The following CELF1 variants were observed in gnomAD, a reference collection of about 807,000 sequenced individuals.
CELF1 encodes 50 kDa nuclear polyadenylated RNA-binding protein.
A neutral mutation model predicts 61.8 loss-of-function variants in CELF1; 10 were observed. The ratio of observed to expected loss-of-function variants is 0.16; its 90% confidence interval spans 0.10 to 0.27. CELF1 has a LOEUF of 0.27. Among genes scored for constraint, CELF1 ranks in the 10% least tolerant of loss-of-function variants. The pLI, the probability that CELF1 is intolerant of heterozygous loss-of-function variation, is 1.00. For synonymous variants in CELF1, 236 were observed against 225.1 expected (o/e 1.05, Z -0.43); for missense variants, 380 against 639.1 (o/e 0.59, Z 4.37).
chr11:47,522,216 A>AT (rs1405216994), intron 1 of CELF1, among the ~76,000 whole-genome samples: 2 of 150,418 alleles, frequency 1.3e-5, no homozygotes, highest in East Asian at 2.0e-4. Flanking sequence ...CCCAGCTGAA[A>AT]TTTTTTTTAT....
intron 6 of CELF1, among the ~76,000 whole-genome samples, chr11:47,485,047 C>T (rs895029204): frequency 1.3e-5 from 2 of 152,158 alleles, no homozygotes. Context: ...AATATGGTAG[C>T]TTTGTAATCT....
chr11:47,531,918 T>G (rs1020239586), intron 1 of CELF1, among the ~76,000 whole-genome samples: 3 of 152,226 alleles, frequency 2.0e-5, no homozygotes, highest in African/African-American at 7.2e-5. Context: ...AGGCATGACA[T>G]AATTCCTTTA....
At position 47,499,550 on chromosome 11, in the gene CELF1, A is replaced by G. The variant is rs1221701401; in HGVS notation, c.-27T>C. ...ACCTCACTCTCCCCTTCAGAAGCCA[A>G]TGATATTAACTTGCTGCACTTGTCT... On this transcript the variant is annotated 5_prime_UTR_variant, in exon 3 of 15. Coordinates refer to ENST00000687097, the MANE Select transcript of CELF1 (RefSeq NM_001376376.1). 2 of 1,520,214 alleles carry G rather than the reference A, an allele frequency of 1.3e-6. No individual in the cohort carries two copies. The highest frequency in any genetic ancestry group is 1.8e-6 in the Non-Finnish European group (2 of 1,132,546). 94.2% of individuals were successfully genotyped at this position (1,520,214 alleles called of 1,614,324 possible).
At chr11:47,487,822 C>G (rs1313164982) in intron 4 of CELF1, among the ~76,000 whole-genome samples, 1 of 152,194 alleles carries the variant, frequency 6.6e-6, no homozygotes, top group Non-Finnish European at 1.5e-5. Context: ...CATGGTGCTG[C>G]CTCAGATCTG....
At chr11:47,474,889 T>C (rs1012766347) in intron 13 of CELF1, among the ~76,000 whole-genome samples, 1 of 152,186 alleles carries the variant, frequency 6.6e-6, no homozygotes, top group African/African-American at 2.4e-5. Flanking sequence ...CTCTGTCCCA[T>C]CACCCCTCAG....
intron 1 of CELF1, among the ~76,000 whole-genome samples, chr11:47,540,077 G>C (rs1161443656): frequency 6.6e-6 from 1 of 152,122 alleles, no homozygotes; most frequent in African/African-American, 2.4e-5. Flanking sequence ...TAAATCACAA[G>C]GTATAATTAG....
chr11:47,507,759 C>T (rs2094632341), intron 1 of CELF1, among the ~76,000 whole-genome samples: 3 of 152,170 alleles, frequency 2.0e-5, no homozygotes, highest in Admixed American at 2.0e-4. Context: ...AAGACACTGC[C>T]TATCCTCCCT....
chr11:47,514,939 C>G (rs762485232), intron 1 of CELF1: 1 of 152,220 alleles, frequency 6.6e-6, no homozygotes, highest in Admixed American at 6.5e-5. Flanking sequence ...TCAAATCCCC[C>G]GTATTTCCTC....
intron 1 of CELF1, among the ~76,000 whole-genome samples, chr11:47,520,741 G>A (rs565312672): frequency 6.6e-6 from 1 of 152,310 alleles, no homozygotes; most frequent in African/African-American, 2.4e-5. Flanking sequence ...GACCCTGGGA[G>A]CAGAGGTTGT....
chr11:47,561,993 G>A (rs974372755), intron 2 of CELF1, among the ~76,000 whole-genome samples: 3 of 151,786 alleles, frequency 2.0e-5, no homozygotes, highest in Admixed American at 1.3e-4. Flanking sequence ...TTGGGAGGCC[G>A]AGGCAGGCTG....
In CELF1 at chr11:47,468,651, C is replaced by T. The variant is rs543768595; in HGVS notation, c.*3579G>A. ...AATGCAAGTTTAAATATTTCCCCTT[C>T]AGCAGTCGTTCTAGCAAAACCAATT... On this transcript the variant is annotated 3_prime_UTR_variant, in exon 15 of 15. Coordinates refer to ENST00000687097, the MANE Select transcript of CELF1 (RefSeq NM_001376376.1). 209 of 150,768 alleles carry T rather than the reference C, an allele frequency of 1.4e-3. No individual in the cohort carries two copies. The highest frequency in any genetic ancestry group is 2.4e-3 in the Non-Finnish European group (161 of 67,732). The allele number at this position is 150,768 out of a possible 1,614,324, so 9.3% of individuals were successfully genotyped here.
intron 1 of CELF1, among the ~76,000 whole-genome samples, chr11:47,528,524 G>A (rs1162143658): frequency 1.3e-5 from 2 of 152,126 alleles, no homozygotes; most frequent in Non-Finnish European, 2.9e-5. Flanking sequence ...GCCGAGGTGG[G>A]AGGACTGTTC....
upstream of CELF1, among the ~76,000 whole-genome samples, chr11:47,554,376 C>T (rs1231131278): frequency 1.3e-5 from 2 of 152,108 alleles, no homozygotes; most frequent in Non-Finnish European, 2.9e-5. Flanking sequence ...TTATAGCTTA[C>T]AGAATGTTGT....
chr11:47,501,016 A>T (rs943216609), intron 1 of CELF1, 84 bp from the exon 2 acceptor site: 1 of 397,652 alleles, frequency 2.5e-6, no homozygotes, highest in African/African-American at 2.1e-5. Context: ...ACAATGGCAT[A>T]GGCCTAGAAG....
At chr11:47,557,704 G>GATGC, upstream of CELF1, 1 of 149,166 alleles carries the variant, frequency 6.7e-6, no homozygotes, top group South Asian at 2.1e-4. Context: ...TCACGATGTT[G>GATGC]ATGCAGAACT....
At chr11:47,544,173 A>G (rs1041487209) in intron 1 of CELF1, among the ~76,000 whole-genome samples, 7 of 152,240 alleles carry the variant, frequency 4.6e-5, no homozygotes, top group African/African-American at 1.7e-4. Context: ...AAAAGGGAAC[A>G]AAAGGAACAC....
At chr11:47,485,490 G>C (rs1449651228) in intron 6 of CELF1, among the ~76,000 whole-genome samples, 1 of 152,144 alleles carries the variant, frequency 6.6e-6, no homozygotes, top group East Asian at 1.9e-4. Flanking sequence ...TGCTCTTACT[G>C]GCAATACTAC....
chr11:47,545,285 C>T (rs2096903831), intron 1 of CELF1, among the ~76,000 whole-genome samples: 1 of 152,060 alleles, frequency 6.6e-6, no homozygotes. Flanking sequence ...CAAAAATTAG[C>T]CGGGCATGGT....
chr11:47,547,610 A>C (rs2096999873), intron 1 of CELF1, among the ~76,000 whole-genome samples: 1 of 148,820 alleles, frequency 6.7e-6, no homozygotes. Context: ...CGGAGGTTAC[A>C]GTGAGCCGAG....
Sources: allele counts gnomAD v4.1 joint callset (sites outside exome capture counted in the v4.1 genomes callset), GRCh38; gene constraint gnomAD v4.1.1; transcripts MANE v1.5; gene names NCBI Gene and HGNC (gene_info 2026-07-23, HGNC 2026-07-21).